SYNE1: variants seen among roughly 807,000 people sequenced by gnomAD.
SYNE1 encodes the protein nesprin-1.
Under a neutral mutation model 1,111.0 loss-of-function variants are expected in SYNE1, and 616 were observed. The ratio of observed to expected loss-of-function variants is 0.55; its 90% CI spans 0.52 to 0.59. The LOEUF is 0.59. Ranked by LOEUF, SYNE1 falls within the 20% of genes least tolerant of loss-of-function variation. SYNE1 has a pLI of 0.00. For missense variants in SYNE1, 10,006 were observed against 10,417.0 expected (o/e 0.96, Z 1.72); for synonymous variants, 3,855 against 3,825.8 (o/e 1.01, Z -0.28).
At chr6:152,375,826 T>C (rs2097270310) in intron 58 of SYNE1, among the ~76,000 whole-genome samples, 1 of 152,234 alleles carries the variant, frequency 6.6e-6, no homozygotes, top group African/African-American at 2.4e-5. Context: ...GGATCACCAT[T>C]AATATATAAA....
chr6:152,153,909 G>A (rs943963522), intron 133 of SYNE1, among the ~76,000 whole-genome samples: 4 of 152,150 alleles, frequency 2.6e-5, no homozygotes, highest in Admixed American at 6.5e-5. Flanking sequence ...ATAAAAAAGC[G>A]AACTTCTTAT....
In SYNE1 at chr6:152,136,825, A is replaced by G; in HGVS notation, c.25459-7T>C. 1.2e-6 allele frequency: 2 copies of G among 1,613,766 alleles called. No homozygotes were observed. The highest frequency in any genetic ancestry group is 1.7e-5 in the Admixed American group (1 of 60,032). On this transcript the variant is annotated splice_polypyrimidine_tract_variant and splice_region_variant and intron_variant, in intron 140 of 145. Coordinates refer to ENST00000367255, the MANE Select transcript of SYNE1 (RefSeq NM_182961.4). ...CCACAGCTTTCTGGAGCTCCTGAAA[A>G]GAACAAAAAAGACAATCAAACAAGG...
intron 2 of SYNE1, among the ~76,000 whole-genome samples, chr6:152,631,629 C>T (rs73622202): frequency 0.046 from 7,044 of 152,156 alleles, 564 homozygotes; most frequent in African/African-American, 0.16. Flanking sequence ...TGACCAAAGA[C>T]GGAAATCAGA....
At chr6:152,167,828 C>G (rs761393537) in intron 130 of SYNE1, 3 of 625,708 alleles carry the variant, frequency 4.8e-6, no homozygotes, top group Non-Finnish European at 9.4e-6. Flanking sequence ...TCTACTCTAG[C>G]CATACTCCTT....
intron 10 of SYNE1, among the ~76,000 whole-genome samples, chr6:152,501,822 T>A (rs187126251): frequency 1.2e-4 from 19 of 152,182 alleles, no homozygotes; most frequent in African/African-American, 4.1e-4. Context: ...ACAAAAATTA[T>A]AAATTAAAAC....
At chr6:152,424,450 A>G (rs939332013) in intron 39 of SYNE1, among the ~76,000 whole-genome samples, 2 of 152,238 alleles carry the variant, frequency 1.3e-5, no homozygotes, top group African/African-American at 4.8e-5. Flanking sequence ...ACCTTTCAAG[A>G]GGTGGCATCA....
intron 120 of SYNE1, 118 bp from the exon 121 acceptor site, chr6:152,218,521 A>T: frequency 8.4e-7 from 1 of 1,193,744 alleles, no homozygotes; most frequent in Non-Finnish European, 1.2e-6. Flanking sequence ...CTTGTATCAA[A>T]TTGCCATTCT....
In SYNE1 at chr6:152,253,817, G is replaced by GTTTTTTTTTTTTTTTTTTTTTT. The variant is rs1491115589; in HGVS notation, c.19470+1062_19470+1063insAAAAAAAAAAAAAAAAAAAAAA. 1.5e-3 allele frequency among the ~76,000 whole-genome samples: 86 copies of GTTTTTTTTTTTTTTTTTTTTTT among 59,156 alleles called. 36 individuals are homozygous for GTTTTTTTTTTTTTTTTTTTTTT. Among genetic ancestry groups the GTTTTTTTTTTTTTTTTTTTTTT allele is most frequent in the Non-Finnish European group, 2.0e-3 (69 of 35,308 alleles). 38.8% of individuals were successfully genotyped at this position (59,156 alleles called of 152,430 possible). On this transcript the variant is annotated intron_variant, in intron 104 of 145. Coordinates refer to ENST00000367255, the MANE Select transcript of SYNE1 (RefSeq NM_182961.4). ...ATGCTACATTTATGTGTAGTGGTTT[G>GTTTTTTTTTTTTTTTTTTTTTT]GTTTTTTTTTTTTTTTTTTTTTTTT...
intron 57 of SYNE1, 43 bp downstream of exon 57, chr6:152,376,733 T>C (rs1326604525): frequency 6.2e-7 from 1 of 1,611,606 alleles, no homozygotes; most frequent in African/African-American, 1.3e-5. Flanking sequence ...TAGCTTCTAA[T>C]TTGTATAAAA....
chr6:152,626,643 T>C (rs1176457137), intron 3 of SYNE1, among the ~76,000 whole-genome samples: 1 of 152,214 alleles, frequency 6.6e-6, no homozygotes, highest in Non-Finnish European at 1.5e-5. Flanking sequence ...AACAAGGCTC[T>C]TTCTGGCATG....
intron 140 of SYNE1, among the ~76,000 whole-genome samples, chr6:152,137,712 T>C (rs1462007304): frequency 6.6e-6 from 1 of 152,202 alleles, no homozygotes; most frequent in Non-Finnish European, 1.5e-5. Context: ...CATTTCTCAC[T>C]AGCCCTGCAA....
At chr6:152,611,415 G>A (rs549491392) in intron 3 of SYNE1, among the ~76,000 whole-genome samples, 49 of 152,242 alleles carry the variant, frequency 3.2e-4, no homozygotes, top group Middle Eastern at 6.8e-3. Flanking sequence ...ATTACATAAT[G>A]GTAAAGGGAT....
In SYNE1 at chr6:152,453,572, C is replaced by T. The variant is rs952080463; in HGVS notation, c.3027+14G>A. On this transcript the variant is annotated intron_variant, in intron 25 of 145. Coordinates refer to ENST00000367255, the MANE Select transcript of SYNE1 (RefSeq NM_182961.4). ...ATTGAGGATGCACGGTGTCTCCGTCCTGTCCTGACTCACCTTCCATTGTTT... is the reference window on the plus strand; with the variant it reads ...ATTGAGGATGCACGGTGTCTCCGTCTTGTCCTGACTCACCTTCCATTGTTT... 6.2e-7 allele frequency: 1 copy of T among 1,614,104 alleles called. No individual in the cohort carries two copies. The highest frequency in any genetic ancestry group is 1.1e-5 in the South Asian group (1 of 91,090).
At chr6:152,169,989 T>G (rs2064775788) in intron 130 of SYNE1, among the ~76,000 whole-genome samples, 1 of 152,184 alleles carries the variant, frequency 6.6e-6, no homozygotes. Context: ...TGGTTATGAA[T>G]CTACCACTAT....
At chr6:152,313,977 T>G (rs1161864005) in intron 87 of SYNE1, among the ~76,000 whole-genome samples, 1 of 152,168 alleles carries the variant, frequency 6.6e-6, no homozygotes, top group Non-Finnish European at 1.5e-5. Context: ...CATCGTTGAC[T>G]CCTCCCTCTC....
intron 98 of SYNE1, chr6:152,277,801 C>A: frequency 1.5e-5 from 7 of 478,772 alleles, no homozygotes; most frequent in South Asian, 1.2e-4. Flanking sequence ...CCTTTACTTT[C>A]CCTCTCCAGT....
rs2096590270 is a variant in SYNE1, at chr6:152,344,189, G to A, written c.12117C>T (p.Val4039=). 5.0e-6 allele frequency: 8 copies of A among 1,614,078 alleles called. No individual in the cohort carries two copies. Among genetic ancestry groups the A allele is most frequent in the African/African-American group, 1.3e-5 (1 of 74,930 alleles). Residue 4039 remains valine, a synonymous_variant, in exon 74 of 146, where the codon GTC becomes GTT. Coordinates refer to ENST00000367255, the MANE Select transcript of SYNE1 (RefSeq NM_182961.4). ...ACTGCTGCAGGGTGTCTTGTCGGCT[G>A]ACGTGCTTCTGAAGTTCGTGTTCCA... ...QSLEHELQKH[V]SRQDTLQQCQ... is the part of the protein sequence containing the mutation.
intron 105 of SYNE1, among the ~76,000 whole-genome samples, 191 bp downstream of exon 105, chr6:152,248,970 T>G (rs963846036): frequency 1.3e-5 from 2 of 152,188 alleles, no homozygotes; most frequent in African/African-American, 4.8e-5. Context: ...CATTTCCTAG[T>G]TCTGTGCAGA....
rs760209358 is a variant in SYNE1 at position 152,331,755 on chromosome 6, G to A, written c.12930C>T (p.Asp4310=). ...TCGTCTGTTCTTTGACTAACTCCTTGTCATCTAAATTCAGATGCTCTATCA... is the reference window on the plus strand; with the variant it reads ...TCGTCTGTTCTTTGACTAACTCCTTATCATCTAAATTCAGATGCTCTATCA... ...QKMIEHLNLD[D]KELVKEQTSH... Residue 4310 remains aspartate (D), a synonymous_variant, in exon 78 of 146, where the codon GAC becomes GAT. Coordinates refer to ENST00000367255, the MANE Select transcript of SYNE1 (RefSeq NM_182961.4). 4.2e-5 allele frequency: 67 copies of A among 1,613,978 alleles called. No homozygotes were observed. In the Middle Eastern group the frequency reaches 6.6e-4, roughly 16 times the overall value.
Sources: allele counts gnomAD v4.1 joint callset (sites outside exome capture counted in the v4.1 genomes callset), GRCh38; gene constraint gnomAD v4.1.1; transcripts MANE v1.5; gene names NCBI Gene and HGNC (gene_info 2026-07-23, HGNC 2026-07-21).